PRKN: variants seen among roughly 807,000 people sequenced by gnomAD.
PRKN encodes the protein parkin RBR E3 ubiquitin protein ligase.
Under a neutral mutation model 59.5 loss-of-function variants are expected in PRKN, and 56 were observed. The ratio of observed to expected loss-of-function variants is 0.94; its 90% CI spans 0.76 to 1.18. PRKN has a LOEUF of 1.18. Among genes scored for constraint, PRKN ranks in the 50% most tolerant of loss-of-function variants. The probability of loss-of-function intolerance (pLI) is 0.00; values close to 1 mark genes in which losing one functional copy is unlikely to be tolerated. For missense variants in PRKN, 657 were observed against 596.4 expected (o/e 1.10, Z -1.06); for synonymous variants, 250 against 222.1 (o/e 1.13, Z -1.12).
At chr6:162,685,911 T>C (rs1215133280) in intron 1 of PRKN, among the ~76,000 whole-genome samples, 4 of 152,154 alleles carry the variant, frequency 2.6e-5, no homozygotes. Context: ...ATCATTAACG[T>C]GTGCATTCAA....
chr6:162,272,138 A>G (rs1780419944), intron 2 of PRKN, among the ~76,000 whole-genome samples: 1 of 152,010 alleles, frequency 6.6e-6, no homozygotes, highest in South Asian at 2.1e-4. Context: ...CTCAGGAATC[A>G]CTCGGTTTGG....
rs376824323 is a variant in PRKN, at chr6:162,249,872, G to A, written c.412+12653C>T. Among the ~76,000 whole-genome samples, 134 of 152,172 alleles carry A rather than the reference G, an allele frequency of 8.8e-4. 1 individual carries two copies. Among genetic ancestry groups the A allele is most frequent in the South Asian group, 2.3e-3 (11 of 4,818 alleles). ...AAAACGAAACCTTTGTGGGCTAGGTGCAGTGTTTAACGCCTGTAATCCAGC... is the reference window on the plus strand; with the variant it reads ...AAAACGAAACCTTTGTGGGCTAGGTACAGTGTTTAACGCCTGTAATCCAGC... On this transcript the variant is annotated intron_variant, in intron 3 of 11. Transcript: ENST00000366898.
intron 9 of PRKN, among the ~76,000 whole-genome samples, chr6:161,406,936 G>A (rs551837133): frequency 5.9e-5 from 9 of 152,222 alleles, no homozygotes; most frequent in Admixed American, 6.5e-5. Flanking sequence ...TGCTGCTACG[G>A]GTAAGGACAG....
intron 4 of PRKN, among the ~76,000 whole-genome samples, chr6:162,115,010 A>G (rs1451603795): frequency 6.6e-6 from 1 of 151,764 alleles, no homozygotes; most frequent in Non-Finnish European, 1.5e-5. Context: ...TACCCAAAGG[A>G]CTATAAATCA....
At chr6:162,287,328 A>G (rs562824735) in intron 2 of PRKN, among the ~76,000 whole-genome samples, 65 of 152,134 alleles carry the variant, frequency 4.3e-4, no homozygotes, top group Middle Eastern at 6.3e-3. Flanking sequence ...GCAGTTTGGG[A>G]GTCTGAGGCA....
At chr6:162,628,300 T>A (rs1029922312) in intron 1 of PRKN, among the ~76,000 whole-genome samples, 3 of 152,052 alleles carry the variant, frequency 2.0e-5, no homozygotes, top group African/African-American at 7.2e-5. Flanking sequence ...TGGATCCAGT[T>A]AAGAAATCAA....
intron 2 of PRKN, among the ~76,000 whole-genome samples, chr6:162,358,344 G>C (rs908214909): frequency 6.6e-6 from 1 of 151,992 alleles, no homozygotes; most frequent in Admixed American, 6.6e-5. Flanking sequence ...TTTCAGCCTT[G>C]TAAGCAATCA....
intron 6 of PRKN, among the ~76,000 whole-genome samples, chr6:161,883,325 T>A (rs925615354): frequency 5.9e-5 from 9 of 151,810 alleles, no homozygotes; most frequent in African/African-American, 2.2e-4. Context: ...AACATGGTGA[T>A]ACCCCATCTC....
chr6:162,549,488 TTTTGAA>T (rs1779247333), intron 1 of PRKN, among the ~76,000 whole-genome samples: 1 of 152,174 alleles, frequency 6.6e-6, no homozygotes, highest in African/African-American at 2.4e-5. Flanking sequence ...GCTTCTAGAA[TTTTGAA>T]TTTATTTACT....
chr6:161,418,058 G>A (rs1329228515), intron 9 of PRKN, among the ~76,000 whole-genome samples: 1 of 152,254 alleles, frequency 6.6e-6, no homozygotes, highest in Non-Finnish European at 1.5e-5. Flanking sequence ...CAGCAGAGCA[G>A]CTGTTGTGTT....
chr6:161,917,688 A>G (rs1778621650), intron 6 of PRKN, among the ~76,000 whole-genome samples: 1 of 152,208 alleles, frequency 6.6e-6, no homozygotes, highest in African/African-American at 2.4e-5. Context: ...TTAGGCACAC[A>G]ACAGCATAAT....
At chr6:162,126,203 C>T (rs916067210) in intron 4 of PRKN, among the ~76,000 whole-genome samples, 4 of 152,068 alleles carry the variant, frequency 2.6e-5, no homozygotes, top group Admixed American at 1.3e-4. Flanking sequence ...AAACAAAGAC[C>T]GAGACACAGA....
intron 6 of PRKN, among the ~76,000 whole-genome samples, chr6:161,799,882 G>C (rs1202832448): frequency 6.6e-6 from 1 of 152,150 alleles, no homozygotes; most frequent in Non-Finnish European, 1.5e-5. Flanking sequence ...CAAGTGGAAA[G>C]GCACTTAGGT....
At chr6:162,680,306 A>C (rs1779721929) in intron 1 of PRKN, among the ~76,000 whole-genome samples, 3 of 150,910 alleles carry the variant, frequency 2.0e-5, no homozygotes, top group African/African-American at 7.3e-5. Flanking sequence ...TTAATATTTG[A>C]GGAAGAAAAT....
chr6:162,556,342 G>GGGGGGT lies in PRKN; in HGVS notation c.8-112870_8-112869insACCCCC, dbSNP rs1175202893. Among the ~76,000 whole-genome samples the GGGGGGT allele has an allele frequency of 2.7e-3, 155 of 57,306 alleles. 1 individual carries two copies. Among genetic ancestry groups the GGGGGGT allele is most frequent in the South Asian group, 4.0e-3 (4 of 1,006 alleles). 37.6% of individuals were successfully genotyped at this position (57,306 alleles called of 152,430 possible). On this transcript the variant is annotated intron_variant, in intron 1 of 11. Transcript: ENST00000366898. Reference sequence around the variant, plus strand: ...GAAACCAAGCAGTAACTACTCAGCTGGTGTGTGTGTGTGTGTGTGTGTGTG... The same window carrying GGGGGGT: ...GAAACCAAGCAGTAACTACTCAGCTGGGGGGTGTGTGTGTGTGTGTGTGTGTGTGTG...
chr6:161,946,361 G>A (rs1251631341), intron 6 of PRKN, among the ~76,000 whole-genome samples: 1 of 139,762 alleles, frequency 7.2e-6, no homozygotes, highest in Non-Finnish European at 1.5e-5. Flanking sequence ...AAATAAATAC[G>A]GTTCTTTACC....
At chr6:162,386,030 T>C (rs1260026297) in intron 2 of PRKN, among the ~76,000 whole-genome samples, 1 of 152,178 alleles carries the variant, frequency 6.6e-6, no homozygotes, top group Non-Finnish European at 1.5e-5. Context: ...AATTGTATTT[T>C]GATTTTTTTT....
intron 2 of PRKN, among the ~76,000 whole-genome samples, chr6:162,311,036 A>G (rs896887034): frequency 1.3e-5 from 2 of 152,148 alleles, no homozygotes; most frequent in East Asian, 3.8e-4. Context: ...GGTAACTGAA[A>G]TAGTGAAAAC....
At chr6:162,651,340 G>A (rs186954968) in intron 1 of PRKN, among the ~76,000 whole-genome samples, 2 of 152,204 alleles carry the variant, frequency 1.3e-5, no homozygotes, top group South Asian at 2.1e-4. Flanking sequence ...CGTGCACACC[G>A]TAACACACTT....
Sources: gnomAD v4.1 joint callset for allele counts (sites outside exome capture counted in the v4.1 genomes callset) on GRCh38, gnomAD v4.1.1 for gene constraint, MANE v1.5 for transcripts, NCBI Gene and HGNC (gene_info 2026-07-23, HGNC 2026-07-21) for gene names.